AKAP6: variants seen among roughly 807,000 people sequenced by gnomAD.
AKAP6 encodes A-kinase anchoring protein 6.
A neutral mutation model predicts 188.5 loss-of-function variants in AKAP6; 58 were observed. That is an observed-to-expected ratio of 0.31 (90% CI 0.25 to 0.38). The LOEUF is 0.38. AKAP6 is among the 10% of genes least tolerant of loss of function. The pLI is 1.00. For synonymous variants in AKAP6, 989 were observed against 998.6 expected, an observed-to-expected ratio of 0.99 and a Z score of 0.18; for missense variants, 2,710 against 2,740.0, an observed-to-expected ratio of 0.99 and a Z score of 0.24.
At chr14:32,414,833 C>T (rs545625581) in intron 1 of AKAP6, among the ~76,000 whole-genome samples, 27 of 152,128 alleles carry the variant, frequency 1.8e-4, no homozygotes, top group Non-Finnish European at 1.2e-4. Context: ...TTTAGCTTTG[C>T]CCTAGCCACT....
chr14:32,385,401 A>AT (rs1888498202), intron 1 of AKAP6, among the ~76,000 whole-genome samples: 1 of 69,110 alleles, frequency 1.4e-5, no homozygotes, highest in Non-Finnish European at 3.0e-5. Context: ...TTTTATTTTT[A>AT]TTTCTTTTTT....
rs1255761374 is a variant in AKAP6, at chr14:32,535,610, A to G, written c.381A>G (p.Thr127=). 2 of 1,614,086 alleles carry G rather than the reference A, an allele frequency of 1.2e-6. No homozygotes were observed. Among genetic ancestry groups the G allele is most frequent in the African/African-American group, 2.7e-5 (2 of 74,946 alleles). ...HVEQIHALLE[T]EFSLKLLSYS... is the part of the protein sequence containing the mutation. ...AGCAAATCCATGCCCTCCTTGAAAC[A>G]GAGTTCTCCCTAAAGCTGCTGTCTT... is the stretch of plus-strand genomic sequence containing the variant. Residue 127 remains threonine (T), a synonymous_variant, in exon 3 of 14, where the codon ACA becomes ACG. Transcript: ENST00000280979.
At chr14:32,737,443 G>A (rs969268523) in intron 11 of AKAP6, among the ~76,000 whole-genome samples, 3 of 152,160 alleles carry the variant, frequency 2.0e-5, no homozygotes, top group Admixed American at 1.3e-4. Flanking sequence ...GTAATATAAT[G>A]TTTGTAACCT....
Position 32,754,171 on chromosome 14 carries a change from T to A in AKAP6, c.3372+18289T>A, listed in dbSNP as rs187382917. ...TTTCTGTCAATATTTGCTTTAGATA[T>A]AAAGGTGCTCTGGTGTTGGGTGCAT... On this transcript the variant is annotated intron_variant, in intron 11 of 13. Transcript: ENST00000280979. Among the ~76,000 whole-genome samples, 169 of 152,282 alleles carry A rather than the reference T, an allele frequency of 1.1e-3. 3 individuals are homozygous for A. Among genetic ancestry groups the A allele is most frequent in the African/African-American group, 3.6e-3 (148 of 41,584 alleles).
At chr14:32,342,205 T>G (rs1886911804) in intron 1 of AKAP6, among the ~76,000 whole-genome samples, 1 of 152,192 alleles carries the variant, frequency 6.6e-6, no homozygotes, top group South Asian at 2.1e-4. Context: ...AGATTCAGAC[T>G]TGTATTTCTC....
At chr14:32,625,858 C>T (rs2139434831) in intron 7 of AKAP6, among the ~76,000 whole-genome samples, 1 of 152,182 alleles carries the variant, frequency 6.6e-6, no homozygotes, top group East Asian at 1.9e-4. Flanking sequence ...ATTTCACCAG[C>T]CTTTCAGAGG....
At chr14:32,523,944 A>G (rs1438041512) in intron 2 of AKAP6, among the ~76,000 whole-genome samples, 1 of 152,202 alleles carries the variant, frequency 6.6e-6, no homozygotes, top group Non-Finnish European at 1.5e-5. Context: ...TGTGGCTTCA[A>G]TCAACAAATC....
At chr14:32,404,104 T>A (rs185340567) in intron 1 of AKAP6, among the ~76,000 whole-genome samples, 1 of 151,924 alleles carries the variant, frequency 6.6e-6, no homozygotes, top group Non-Finnish European at 1.5e-5. Context: ...CCATGAAATA[T>A]TTTTTTTGAA....
Position 32,701,951 on chromosome 14 carries a change from C to T in AKAP6, c.3000+5841C>T, listed in dbSNP as rs369097713. Among the ~76,000 whole-genome samples the T allele has an allele frequency of 9.9e-5, 15 of 152,060 alleles. No homozygotes were observed. In the East Asian group the frequency reaches 2.1e-3, roughly 22 times the overall value. On this transcript the variant is annotated intron_variant, in intron 9 of 13. Coordinates refer to ENST00000280979, the MANE Select transcript of AKAP6 (RefSeq NM_004274.5). The stretch of plus-strand genomic sequence containing the variant: ...CATGGTGGTGTACAGAATAGAAGGA[C>T]GAGTCAAAAAATTAAATTCTGTTAA...
chr14:32,796,194 C>A (rs556992624), intron 12 of AKAP6, among the ~76,000 whole-genome samples: 1 of 152,102 alleles, frequency 6.6e-6, no homozygotes, highest in Non-Finnish European at 1.5e-5. Context: ...ATGAAAATGG[C>A]CATACTGCCC....
intron 12 of AKAP6, among the ~76,000 whole-genome samples, chr14:32,775,607 T>G (rs894589355): frequency 6.6e-6 from 1 of 152,052 alleles, no homozygotes; most frequent in African/African-American, 2.4e-5. Context: ...TAATTTTTAT[T>G]TTACTTTTTG....
intron 12 of AKAP6, among the ~76,000 whole-genome samples, chr14:32,796,801 G>A (rs1415986896): frequency 2.6e-5 from 4 of 152,232 alleles, no homozygotes; most frequent in South Asian, 2.1e-4. Context: ...TCACACATGG[G>A]ATCTAATTAA....
chr14:32,739,431 A>G (rs888086359), intron 11 of AKAP6, among the ~76,000 whole-genome samples: 19 of 152,044 alleles, frequency 1.2e-4, no homozygotes, highest in Admixed American at 7.9e-4. Flanking sequence ...ACTATTGACT[A>G]TAGTCCCCCT....
At chr14:32,625,815 T>C (rs1886997767) in intron 7 of AKAP6, among the ~76,000 whole-genome samples, 2 of 152,122 alleles carry the variant, frequency 1.3e-5, no homozygotes, top group Non-Finnish European at 2.9e-5. Flanking sequence ...TGGAAAGATA[T>C]GAGTTAAGCA....
At chr14:32,544,453 G>GT (rs1883097492) in intron 3 of AKAP6, among the ~76,000 whole-genome samples, 1 of 152,126 alleles carries the variant, frequency 6.6e-6, no homozygotes, top group African/African-American at 2.4e-5. Context: ...TCGTAATGCT[G>GT]TTTTTTTAGT....
intron 1 of AKAP6, among the ~76,000 whole-genome samples, chr14:32,402,355 T>G (rs1035879560): frequency 6.6e-6 from 1 of 152,216 alleles, no homozygotes; most frequent in African/African-American, 2.4e-5. Context: ...TTAGTTATAG[T>G]TAACATACAG....
At chr14:32,739,494 A>G (rs1273586258) in intron 11 of AKAP6, among the ~76,000 whole-genome samples, 3 of 151,788 alleles carry the variant, frequency 2.0e-5, no homozygotes, top group Non-Finnish European at 2.9e-5. Flanking sequence ...TTTTCTTTGT[A>G]CCCATTAACC....
rs79482803 is a variant in AKAP6, at chr14:32,809,394, T to C, written c.3589-12008T>C. ...GTCTTCAATCTGACACTTCCTTTTTTATCCAGCAAGCTAATTTCCCCTCTT... is the reference window on the plus strand; with the variant it reads ...GTCTTCAATCTGACACTTCCTTTTTCATCCAGCAAGCTAATTTCCCCTCTT... On this transcript the variant is annotated intron_variant, in intron 12 of 13. Coordinates refer to ENST00000280979, the MANE Select transcript of AKAP6 (RefSeq NM_004274.5). Among the ~76,000 whole-genome samples, 805 of 152,348 alleles carry C rather than the reference T, an allele frequency of 5.3e-3. 4 individuals carry two copies. Among genetic ancestry groups the C allele is most frequent in the Non-Finnish European group, 7.9e-3 (539 of 68,030 alleles).
chr14:32,629,902 C>T (rs1405910910), intron 7 of AKAP6, among the ~76,000 whole-genome samples: 2 of 151,784 alleles, frequency 1.3e-5, no homozygotes, highest in African/African-American at 4.8e-5. Flanking sequence ...CCTGTCTCTA[C>T]AGAAAATTAA....
Sources: allele counts gnomAD v4.1 joint callset (sites outside exome capture counted in the v4.1 genomes callset), GRCh38; gene constraint gnomAD v4.1.1; transcripts MANE v1.5; gene names NCBI Gene and HGNC (gene_info 2026-07-23, HGNC 2026-07-21).